TMEM68: variants seen among roughly 807,000 people sequenced by gnomAD.
TMEM68 encodes the protein DGAT1/2-independent enzyme synthesizing storage lipids.
TMEM68 carries 25 observed loss-of-function variants against 36.9 expected under a neutral mutation model. The ratio of observed to expected loss-of-function variants is 0.68; its 90% CI spans 0.49 to 0.95. The LOEUF is 0.95. Among genes scored for constraint, TMEM68 ranks in the 40% least tolerant of loss-of-function variants. The pLI is 0.00. For synonymous variants in TMEM68, 131 were observed against 124.4 expected, an observed-to-expected ratio of 1.05 and a Z score of -0.35; for missense variants, 333 against 392.0, an observed-to-expected ratio of 0.85 and a Z score of 1.27.
intron 7 of TMEM68, among the ~76,000 whole-genome samples, chr8:55,741,794 G>A (rs527462879): frequency 2.6e-5 from 4 of 152,122 alleles, no homozygotes; most frequent in Non-Finnish European, 5.9e-5. Flanking sequence ...AGCTGGGTAA[G>A]GTAAGGCTTT....
chr8:55,751,326 GCTTCTCTGGCTCAAATT>G, intron 4 of TMEM68, 169 bp from the exon 5 acceptor site: 2 of 582,934 alleles, frequency 3.4e-6, no homozygotes, highest in South Asian at 2.5e-5. Flanking sequence ...TTGATATTAA[GCTTCTCTGGCTCAAATT>G]CTTAAGTAAA....
chr8:55,743,312 A>G (rs920108402), intron 7 of TMEM68, among the ~76,000 whole-genome samples, 169 bp downstream of exon 7: 1 of 152,182 alleles, frequency 6.6e-6, no homozygotes, highest in Non-Finnish European at 1.5e-5. Flanking sequence ...TGTAGTGACA[A>G]TAAGTCTCCA....
intron 4 of TMEM68, among the ~76,000 whole-genome samples, chr8:55,753,308 A>G (rs899750088): frequency 6.6e-6 from 1 of 151,962 alleles, no homozygotes; most frequent in African/African-American, 2.4e-5. Flanking sequence ...AAAACATGGT[A>G]AAAATATTAA....
intron 3 of TMEM68, chr8:55,761,887 A>G (rs1304589114): frequency 6.6e-6 from 1 of 152,186 alleles, no homozygotes; most frequent in Non-Finnish European, 1.5e-5. Context: ...ACAGAAAGCC[A>G]ATGTTTGTTA....
chr8:55,760,203 A>C lies in TMEM68; in HGVS notation c.325+2432T>G, dbSNP rs757728858. Among the ~76,000 whole-genome samples, 68 of 152,382 alleles carry C rather than the reference A, an allele frequency of 4.5e-4. 1 individual carries two copies. Among genetic ancestry groups the C allele is most frequent in the Non-Finnish European group, 7.3e-4 (50 of 68,038 alleles). ...AGGGAATAGAAAAGACTTAAGTAAG[A>C]TCCAACTATGCCTCAGAGGAAAATC... On this transcript the variant is annotated intron_variant, in intron 3 of 7. Transcript: ENST00000434581.
chr8:55,744,091 C>G (rs897107948), intron 6 of TMEM68, among the ~76,000 whole-genome samples: 3 of 151,208 alleles, frequency 2.0e-5, no homozygotes, highest in Non-Finnish European at 4.4e-5. Flanking sequence ...AAATAAGTAA[C>G]TTAGATAAAT....
chr8:55,758,432 G>GA (rs575126208), intron 3 of TMEM68, among the ~76,000 whole-genome samples: 2 of 152,008 alleles, frequency 1.3e-5, no homozygotes, highest in African/African-American at 4.8e-5. Flanking sequence ...AAAATAGCAA[G>GA]AAAAAAACCC....
chr8:55,751,535 C>T (rs1810426916), intron 4 of TMEM68: 1 of 444,058 alleles, frequency 2.3e-6, no homozygotes, highest in South Asian at 1.6e-5. Context: ...GAAATCTAAT[C>T]TTCCATTAAC....
chr8:55,745,118 T>TG lies in TMEM68; in HGVS notation c.690dup (p.Ile231HisfsTer14). 1 of 1,488,230 alleles carries TG rather than the reference T, an allele frequency of 6.7e-7. No individual in the cohort carries two copies. The highest frequency in any genetic ancestry group is 8.9e-7 in the Non-Finnish European group (1 of 1,119,782). The allele number at this position is 1,488,230 out of a possible 1,614,324, so 92.2% of individuals were successfully genotyped here. A position where few individuals can be genotyped will look rare whatever the true frequency, so the allele number is the denominator to read the frequency against. On this transcript the variant is annotated frameshift_variant, in exon 6 of 8. Transcript: ENST00000434581. LOFTEE classifies it high-confidence loss of function. Reference sequence around the variant, plus strand: ...ATATTTTGTGTAAACATAGGAATAATGGGCTAAAGAAAAGGAGAATTTGAA... The same window carrying TG: ...ATATTTTGTGTAAACATAGGAATAATGGGGCTAAAGAAAAGGAGAATTTGAA...
intron 4 of TMEM68, among the ~76,000 whole-genome samples, chr8:55,754,501 A>G (rs1415048436): frequency 2.8e-5 from 4 of 141,604 alleles, no homozygotes; most frequent in South Asian, 2.1e-4. Flanking sequence ...ACATACATAC[A>G]CACACACACG....
At chr8:55,762,279 A>T in intron 3 of TMEM68, 1 of 269,400 alleles carries the variant, frequency 3.7e-6, no homozygotes, top group Non-Finnish European at 6.8e-6. Context: ...GTAGAGTCAA[A>T]CTTATTTTGA....
chr8:55,740,008 G>A lies in TMEM68; in HGVS notation c.*124C>T, dbSNP rs1810049850. 1.4e-6 allele frequency: 1 copy of A among 690,306 alleles called. No homozygotes were observed. 42.8% of individuals were successfully genotyped at this position (690,306 alleles called of 1,614,324 possible). A position where few individuals can be genotyped will look rare whatever the true frequency, so the allele number is the denominator to read the frequency against. On this transcript the variant is annotated 3_prime_UTR_variant, in exon 8 of 8. Transcript: ENST00000434581. ...TAAAGAAACGAATTCTGTGAAAGAT[G>A]CTTATTAACATGATTTTTTTAAAAA...
intron 4 of TMEM68, among the ~76,000 whole-genome samples, chr8:55,755,229 C>A (rs992012915): frequency 1.0e-4 from 15 of 150,640 alleles, no homozygotes; most frequent in Admixed American, 1.3e-4. Flanking sequence ...GATGTATGTA[C>A]TTTTTAGGGT....
intron 4 of TMEM68, among the ~76,000 whole-genome samples, chr8:55,754,490 CACATACAT>C (rs1179558040): frequency 2.6e-5 from 3 of 116,024 alleles, no homozygotes; most frequent in African/African-American, 1.0e-4. Flanking sequence ...CACACACACA[CACATACAT>C]ACACACACAC....
At chr8:55,750,938 T>G in intron 5 of TMEM68, 26 bp downstream of exon 5, 1 of 1,585,960 alleles carries the variant, frequency 6.3e-7, no homozygotes, top group Non-Finnish European at 8.5e-7. Context: ...AAGCTTTACT[T>G]CAATAATTAA....
At chr8:55,742,595 A>G (rs1419060710) in intron 7 of TMEM68, among the ~76,000 whole-genome samples, 1 of 152,068 alleles carries the variant, frequency 6.6e-6, no homozygotes, top group Non-Finnish European at 1.5e-5. Flanking sequence ...GCTGGAGTGC[A>G]GTGGCACAAT....
At chr8:55,758,722 C>T (rs1388050802) in intron 3 of TMEM68, among the ~76,000 whole-genome samples, 1 of 152,204 alleles carries the variant, frequency 6.6e-6, no homozygotes, top group African/African-American at 2.4e-5. Context: ...GGGATGATTG[C>T]TTGAGCCCAG....
chr8:55,770,879 C>T (rs867507937), intron 1 of TMEM68, among the ~76,000 whole-genome samples: 4 of 152,256 alleles, frequency 2.6e-5, no homozygotes, highest in Non-Finnish European at 4.4e-5. Context: ...GACAAGGCCA[C>T]GCGCGGTGGC....
chr8:55,763,539 C>T (rs1290827027), intron 2 of TMEM68: 2 of 152,196 alleles, frequency 1.3e-5, no homozygotes, highest in East Asian at 1.9e-4. Flanking sequence ...AGGCATGTGC[C>T]ACCATGCCTG....
Sources: gnomAD v4.1 joint callset for allele counts (sites outside exome capture counted in the v4.1 genomes callset) on GRCh38, gnomAD v4.1.1 for gene constraint, MANE v1.5 for transcripts, NCBI Gene and HGNC (gene_info 2026-07-23, HGNC 2026-07-21) for gene names.